The following FBXW8 variants were observed in gnomAD, a reference collection of about 807,000 sequenced individuals.
FBXW8 encodes F-box and WD repeat domain containing 8.
Under a neutral mutation model 65.3 loss-of-function variants are expected in FBXW8, and 57 were observed. That is an observed-to-expected ratio of 0.87 (90% CI 0.71 to 1.09). FBXW8 has a LOEUF of 1.09. Among genes scored for constraint, FBXW8 ranks in the 50% least tolerant of loss-of-function variants. FBXW8 has a pLI of 0.00. For synonymous variants in FBXW8, 308 were observed against 330.2 expected, an observed-to-expected ratio of 0.93 and a Z score of 0.73; for missense variants, 777 against 814.8, an observed-to-expected ratio of 0.95 and a Z score of 0.57.
Position 116,937,853 on chromosome 12 carries a change from C to CTT in FBXW8, c.424-7500_424-7499dup, listed in dbSNP as rs11429387. On this transcript the variant is annotated intron_variant, in intron 2 of 10. Coordinates refer to ENST00000652555, the MANE Select transcript of FBXW8 (RefSeq NM_153348.3). ...ATAAAGCTCATTTTTGAGCCAACAG[C>CTT]TTTTTTTTTTTTAATGCTGCAATTC... is the stretch of plus-strand genomic sequence containing the variant. Among the ~76,000 whole-genome samples the CTT allele has an allele frequency of 1.3e-3, 197 of 147,062 alleles. 1 individual carries two copies. Among genetic ancestry groups the CTT allele is most frequent in the South Asian group, 2.6e-3 (12 of 4,600 alleles).
chr12:116,989,216 A>C (rs1953177281), intron 7 of FBXW8, among the ~76,000 whole-genome samples: 1 of 152,228 alleles, frequency 6.6e-6, no homozygotes, highest in African/African-American at 2.4e-5. Flanking sequence ...TTTTTACTCC[A>C]TAATGTGCCT....
chr12:116,937,183 T>C (rs916179019), intron 2 of FBXW8, among the ~76,000 whole-genome samples: 2 of 152,096 alleles, frequency 1.3e-5, no homozygotes, highest in African/African-American at 2.4e-5. Context: ...TACCGACAAG[T>C]AGCAGACCAT....
At chr12:116,993,163 G>A (rs2135682659) in intron 7 of FBXW8, among the ~76,000 whole-genome samples, 1 of 146,336 alleles carries the variant, frequency 6.8e-6, no homozygotes, top group Middle Eastern at 3.7e-3. Context: ...GATTGCAGTG[G>A]TGTGATCTCG....
Position 116,911,317 on chromosome 12 carries a change from G to A in FBXW8, c.280G>A (p.Gly94Ser). Residue 94 changes from glycine to serine, a missense_variant, in exon 1 of 11, where the codon GGC becomes AGC. By Grantham distance (56) the Gly-to-Ser change is moderately conservative. Coordinates refer to ENST00000652555, the MANE Select transcript of FBXW8 (RefSeq NM_153348.3). Reference protein sequence around the residue: ...RSPLAREGAGGGEQLVDQLIR... With the variant: ...RSPLAREGAGSGEQLVDQLIR... ...TCCTCTGGCCCGCGAGGGCGCCGGG[G>A]GCGGGGAGCAGCTGGTGGACCAGCT... The A allele has an allele frequency of 7.8e-7, 1 of 1,285,898 alleles. No homozygotes were observed. Among genetic ancestry groups the A allele is most frequent in the Non-Finnish European group, 9.8e-7 (1 of 1,019,748 alleles). 79.7% of individuals were successfully genotyped at this position (1,285,898 alleles called of 1,614,324 possible). A position where few individuals can be genotyped will look rare whatever the true frequency, so the allele number is the denominator to read the frequency against.
intron 7 of FBXW8, among the ~76,000 whole-genome samples, chr12:116,996,427 G>A (rs1200624310): frequency 2.0e-5 from 3 of 151,922 alleles, no homozygotes; most frequent in East Asian, 1.9e-4. Context: ...AATGCAGTGC[G>A]CATAGATTGT....
Position 116,964,978 on chromosome 12 carries a change from C to T in FBXW8, c.835+124C>T, listed in dbSNP as rs1052389644. On this transcript the variant is annotated intron_variant, in intron 5 of 10. Transcript: ENST00000652555. ...ACACGTGGGCACACACACATGTTCA[C>T]ACACATACACTCACTCTTGCTTTTA... 1.5e-5 allele frequency: 14 copies of T among 914,254 alleles called. No individual in the cohort carries two copies. The Admixed American group carries it at 2.4e-4, about 16-fold the overall frequency. The allele number at this position is 914,254 out of a possible 1,614,324, so 56.6% of individuals were successfully genotyped here.
At chr12:116,942,868 C>T (rs946384151) in intron 2 of FBXW8, among the ~76,000 whole-genome samples, 2 of 145,090 alleles carry the variant, frequency 1.4e-5, no homozygotes, top group South Asian at 2.2e-4. Flanking sequence ...ACCTCTGCCT[C>T]CCGGGTTCAA....
At chr12:117,019,991 G>A (rs1031286480) in intron 8 of FBXW8, among the ~76,000 whole-genome samples, 2 of 152,190 alleles carry the variant, frequency 1.3e-5, no homozygotes, top group African/African-American at 4.8e-5. Flanking sequence ...CAGCAGCCTT[G>A]TCAGCCTCCC....
chr12:116,913,039 T>TC (rs1403757103), intron 1 of FBXW8, among the ~76,000 whole-genome samples: 1 of 152,140 alleles, frequency 6.6e-6, no homozygotes, highest in South Asian at 2.1e-4. Flanking sequence ...TCTTTTCAAC[T>TC]CCAAGTTTCA....
At chr12:116,956,882 C>T (rs779497337) in intron 4 of FBXW8, among the ~76,000 whole-genome samples, 10 of 152,070 alleles carry the variant, frequency 6.6e-5, no homozygotes, top group Non-Finnish European at 1.3e-4. Context: ...GCAGAAGAAT[C>T]GCTAGAACCC....
At chr12:116,965,035 A>G (rs1002304987) in intron 5 of FBXW8, among the ~76,000 whole-genome samples, 181 bp downstream of exon 5, 1 of 152,236 alleles carries the variant, frequency 6.6e-6, no homozygotes, top group African/African-American at 2.4e-5. Context: ...CCGTCAATGC[A>G]TTAGTAGGCA....
chr12:116,919,293 A>C (rs1880695165), intron 1 of FBXW8, among the ~76,000 whole-genome samples: 1 of 152,242 alleles, frequency 6.6e-6, no homozygotes, highest in African/African-American at 2.4e-5. Flanking sequence ...TAATGGAGTC[A>C]GGACAGTCTT....
intron 4 of FBXW8, among the ~76,000 whole-genome samples, chr12:116,955,765 C>T (rs1353196128): frequency 6.6e-6 from 1 of 152,134 alleles, no homozygotes; most frequent in Non-Finnish European, 1.5e-5. Context: ...CAGTTGCCCT[C>T]TGGAAGTTAA....
rs201392093 is a variant in FBXW8 at position 116,985,306 on chromosome 12, A to C, written c.936A>C (p.Ala312=). 224 of 1,614,200 alleles carry C rather than the reference A, an allele frequency of 1.4e-4. No homozygotes were observed. The highest frequency in any genetic ancestry group is 1.8e-4 in the Non-Finnish European group (215 of 1,180,028). ...IQALALSQDD[A]TVATASAFDV... ...CACTAGCCCTCAGCCAGGACGATGC[A>C]ACCGTGGCCACAGCTTCTGCTTTTG... Residue 312 remains alanine, a synonymous_variant, in exon 6 of 11, where the codon GCA becomes GCC. Transcript: ENST00000652555.
rs1883139947 is a variant in FBXW8 at position 116,949,611 on chromosome 12, CA to C, written c.589-6del. 1.2e-6 allele frequency: 2 copies of C among 1,614,126 alleles called. No homozygotes were observed. Among genetic ancestry groups the C allele is most frequent in the Non-Finnish European group, 1.7e-6 (2 of 1,179,946 alleles). On this transcript the variant is annotated splice_region_variant and splice_polypyrimidine_tract_variant and intron_variant, in intron 3 of 10. Transcript: ENST00000652555. ...GTCTAAACTGCATCCCCCTTTTCCTCACGCAGAATCGCAAAGGTGCCGTGAG... is the reference window on the plus strand; with the variant it reads ...GTCTAAACTGCATCCCCCTTTTCCTCCGCAGAATCGCAAAGGTGCCGTGAG...
chr12:117,027,504 G>C lies in FBXW8; in HGVS notation c.1652G>C (p.Arg551Thr). The change falls in exon 10 of 11, where the codon AGA becomes ACA. Residue 551 changes from arginine to threonine, a missense_variant and splice_region_variant. By Grantham distance (71) the Arg-to-Thr change is moderately conservative. Transcript: ENST00000652555. ...CTGGACAGCTTCACTACTCACAGGA[G>C]GTTAGTGGTGGGGCCGGGCGAGTAA... Reference protein sequence around the residue: ...ADLDSFTTHRRHRGLIRAYEF... With the variant: ...ADLDSFTTHRTHRGLIRAYEF... The C allele has an allele frequency of 6.2e-7, 1 of 1,612,182 alleles. No homozygotes were observed. Among genetic ancestry groups the C allele is most frequent in the African/African-American group, 1.3e-5 (1 of 74,998 alleles).
At chr12:116,999,842 C>T (rs958548239) in intron 7 of FBXW8, among the ~76,000 whole-genome samples, 1 of 152,218 alleles carries the variant, frequency 6.6e-6, no homozygotes. Flanking sequence ...GCACTAGCAT[C>T]CCCTCTTCCT....
chr12:116,923,276 AT>A (rs200829979), intron 1 of FBXW8, among the ~76,000 whole-genome samples: 31 of 149,032 alleles, frequency 2.1e-4, no homozygotes, highest in African/African-American at 6.6e-4. Flanking sequence ...GGCCCTTGGC[AT>A]TTTTTTTTTT....
At chr12:116,919,717 T>C (rs940007114) in intron 1 of FBXW8, among the ~76,000 whole-genome samples, 1 of 152,212 alleles carries the variant, frequency 6.6e-6, no homozygotes, top group African/African-American at 2.4e-5. Flanking sequence ...TGGGCAAAAT[T>C]GCTGCTTCTG....
Sources: allele counts gnomAD v4.1 joint callset (sites outside exome capture counted in the v4.1 genomes callset), GRCh38; gene constraint gnomAD v4.1.1; transcripts MANE v1.5; gene names NCBI Gene and HGNC (gene_info 2026-07-23, HGNC 2026-07-21).